Variants in EIPR1 observed in about 807,000 individuals in gnomAD.
EIPR1 encodes the protein EARP complex and GARP complex interacting protein 1.
In EIPR1, 25 loss-of-function variants were observed where a neutral mutation model predicts 48.1. The ratio of observed to expected loss-of-function variants is 0.52; its 90% CI spans 0.38 to 0.73. The LOEUF (loss-of-function observed/expected upper bound fraction) is 0.73. Among genes scored for constraint, EIPR1 ranks in the 30% least tolerant of loss-of-function variants. EIPR1 has a pLI of 0.00. For synonymous variants in EIPR1, 204 were observed against 201.9 expected, an observed-to-expected ratio of 1.01 and a Z score of -0.09; for missense variants, 415 against 506.2, an observed-to-expected ratio of 0.82 and a Z score of 1.73.
At chr2:3,310,014 G>A (rs1000180034) in intron 3 of EIPR1, among the ~76,000 whole-genome samples, 2 of 152,104 alleles carry the variant, frequency 1.3e-5, no homozygotes, top group African/African-American at 4.8e-5. Context: ...TGGAATATTC[G>A]CGTCTCCCCA....
intron 2 of EIPR1, among the ~76,000 whole-genome samples, chr2:3,345,702 C>A (rs1395747718): frequency 6.6e-6 from 1 of 151,756 alleles, no homozygotes; most frequent in Non-Finnish European, 1.5e-5. Flanking sequence ...AAGTGGGGTA[C>A]AATTCACAGA....
At chr2:3,203,989 G>A (rs1665137811) in intron 5 of EIPR1, among the ~76,000 whole-genome samples, 1 of 152,246 alleles carries the variant, frequency 6.6e-6, no homozygotes, top group Non-Finnish European at 1.5e-5. Flanking sequence ...GGTGTGCTTG[G>A]ATTCCAGGTT....
chr2:3,287,782 C>CAGAAAGCTCATTCACCATGCTCT (rs1418625264), intron 3 of EIPR1, among the ~76,000 whole-genome samples: 1 of 126,612 alleles, frequency 7.9e-6, no homozygotes, highest in Non-Finnish European at 1.8e-5. Context: ...CACTATGCTC[C>CAGAAAGCTCATTCACCATGCTCT]AGAAAGCTCA....
chr2:3,280,885 G>A (rs1407733575), intron 3 of EIPR1, among the ~76,000 whole-genome samples: 2 of 152,136 alleles, frequency 1.3e-5, no homozygotes, highest in African/African-American at 2.4e-5. Flanking sequence ...TGCCACCCGC[G>A]CCTCCTCCTG....
chr2:3,215,762 T>A (rs995064425), intron 4 of EIPR1, among the ~76,000 whole-genome samples: 1 of 152,228 alleles, frequency 6.6e-6, no homozygotes, highest in Non-Finnish European at 1.5e-5. Context: ...TACACCGTCA[T>A]CTCAAGACTG....
At chr2:3,290,345 C>T (rs1353573167) in intron 3 of EIPR1, among the ~76,000 whole-genome samples, 5 of 152,080 alleles carry the variant, frequency 3.3e-5, no homozygotes, top group African/African-American at 1.2e-4. Flanking sequence ...CTTTTAAATA[C>T]AAAAGAATAC....
At chr2:3,278,855 C>T (rs1036747666) in intron 3 of EIPR1, among the ~76,000 whole-genome samples, 6 of 152,144 alleles carry the variant, frequency 3.9e-5, no homozygotes, top group African/African-American at 9.6e-5. Context: ...GAGGAGGTCA[C>T]GGGGGGCACT....
At chr2:3,347,586 CTT>C (rs1316324457) in intron 2 of EIPR1, among the ~76,000 whole-genome samples, 4 of 152,178 alleles carry the variant, frequency 2.6e-5, no homozygotes, top group Non-Finnish European at 5.9e-5. Flanking sequence ...TCGGGTATGT[CTT>C]TATCAGCAGC....
intron 4 of EIPR1, chr2:3,214,517 C>A (rs964597516): frequency 1.8e-5 from 6 of 333,186 alleles, no homozygotes; most frequent in African/African-American, 1.3e-4. Context: ...CGTCAATGTA[C>A]ACAGGGGCTA....
chr2:3,257,970 C>T (rs146576812), intron 3 of EIPR1, among the ~76,000 whole-genome samples: 1,718 of 152,258 alleles, frequency 0.011, 18 homozygotes, highest in Middle Eastern at 0.02. Context: ...TATCTGGGAC[C>T]GGAAGGTAAT....
chr2:3,232,147 T>C (rs1407908175), intron 4 of EIPR1, among the ~76,000 whole-genome samples: 1 of 152,268 alleles, frequency 6.6e-6, no homozygotes, highest in Non-Finnish European at 1.5e-5. Flanking sequence ...ATCCTTTGTA[T>C]TTCTGTGGAA....
At position 3,377,588 on chromosome 2, in the gene EIPR1, G is replaced by T. The variant is rs1282997190; in HGVS notation, c.42+60C>A. 3.2e-6 allele frequency: 5 copies of T among 1,548,616 alleles called. No homozygotes were observed. In the East Asian group the frequency reaches 1.2e-4, roughly 38 times the overall value. On this transcript the variant is annotated intron_variant, in intron 1 of 8. Coordinates refer to ENST00000382125, the MANE Select transcript of EIPR1 (RefSeq NM_003310.5). ...GATCTGCAAACCGAAGTCACCATGG[G>T]ACCGCGCATGCTATCAACAGCCAGG...
At chr2:3,205,753 G>A (rs779828675) in intron 5 of EIPR1, among the ~76,000 whole-genome samples, 8 of 152,248 alleles carry the variant, frequency 5.3e-5, no homozygotes, top group South Asian at 2.1e-4. Flanking sequence ...CTCTGCTTCC[G>A]AGTAAGCCAT....
intron 8 of EIPR1, among the ~76,000 whole-genome samples, chr2:3,190,366 C>T (rs114007583): frequency 1.3e-5 from 2 of 152,202 alleles, no homozygotes; most frequent in Admixed American, 1.3e-4. Context: ...CTTCACCCCC[C>T]CAGCAAGACG....
chr2:3,208,686 T>TC, intron 5 of EIPR1: 1 of 1,550,242 alleles, frequency 6.5e-7, no homozygotes, highest in Non-Finnish European at 8.7e-7. Context: ...CAACCCCAAT[T>TC]CCCCCAGGAA....
chr2:3,196,185 C>T (rs1664800841), intron 6 of EIPR1, among the ~76,000 whole-genome samples: 1 of 152,210 alleles, frequency 6.6e-6, no homozygotes, highest in East Asian at 1.9e-4. Flanking sequence ...GGCCTTGGAA[C>T]TAAACCTAAA....
intron 2 of EIPR1, among the ~76,000 whole-genome samples, chr2:3,338,498 C>T (rs1670135953): frequency 6.6e-6 from 1 of 152,212 alleles, no homozygotes; most frequent in African/African-American, 2.4e-5. Context: ...CCAGGGCTGT[C>T]CATATCAGCA....
At chr2:3,274,405 G>A (rs1222647112) in intron 3 of EIPR1, 1 of 1,550,492 alleles carries the variant, frequency 6.4e-7, no homozygotes, top group Admixed American at 2.0e-5. Context: ...TCCAGAGACA[G>A]CACACAACAA....
intron 4 of EIPR1, among the ~76,000 whole-genome samples, chr2:3,215,009 G>A (rs532027452): frequency 6.6e-6 from 1 of 152,326 alleles, no homozygotes; most frequent in African/African-American, 2.4e-5. Context: ...CTACACATCA[G>A]TAAGAGAGCC....
Sources: gnomAD v4.1 joint callset for allele counts (sites outside exome capture counted in the v4.1 genomes callset) on GRCh38, gnomAD v4.1.1 for gene constraint, MANE v1.5 for transcripts, NCBI Gene and HGNC (gene_info 2026-07-23, HGNC 2026-07-21) for gene names.